FGF13: variants seen among roughly 807,000 people sequenced by gnomAD.
FGF13 encodes fibroblast growth factor 13, also known as fibroblast growth factor homologous factor 2.
In FGF13, 2 loss-of-function variants were observed where a neutral mutation model predicts 19.5. That is an observed-to-expected ratio of 0.10 (90% CI 0.04 to 0.32). The LOEUF (loss-of-function observed/expected upper bound fraction) is 0.32, where lower values mean the gene tolerates loss of function less well. Among genes scored for constraint, FGF13 ranks in the 10% least tolerant of loss-of-function variants. The pLI is 1.00. For missense variants in FGF13, 113 were observed against 192.7 expected (o/e 0.59, Z 2.45); for synonymous variants, 72 against 76.9 (o/e 0.94, Z 0.33).
chrX:138,818,499 GACACACACACAC>G (rs371760908), intron 3 of FGF13, among the ~76,000 whole-genome samples: 1,014 of 84,773 alleles, frequency 0.012, 15 homozygotes, highest in African/African-American at 0.039. Context: ...TATATGCACA[GACACACACACAC>G]ACACACACAC....
rs546063503 is a variant in FGF13 at position 138,675,267 on chromosome X, G to A, written c.402+27717C>T. ...CTAGACTTTGTACGATGCAAACGCAGAGCTCATTTGTTGTAAAAAGCTCCA... is the reference window on the plus strand; with the variant it reads ...CTAGACTTTGTACGATGCAAACGCAAAGCTCATTTGTTGTAAAAAGCTCCA... On this transcript the variant is annotated intron_variant, in intron 3 of 4. Transcript: ENST00000315930. Among the ~76,000 whole-genome samples the A allele has an allele frequency of 9.8e-5, 11 of 112,209 alleles. 1 individual carries two copies. In the South Asian group the frequency reaches 1.9e-3, roughly 19 times the overall value.
At chrX:139,106,786 G>T (rs1179540344) in intron 1 of FGF13, among the ~76,000 whole-genome samples, 3 of 112,024 alleles carry the variant, frequency 2.7e-5, no homozygotes, top group Non-Finnish European at 5.6e-5. Flanking sequence ...ACTCTTCATA[G>T]CCAAGTGTGT....
intron 1 of FGF13, among the ~76,000 whole-genome samples, chrX:139,181,359 A>G (rs1034635598): frequency 8.9e-6 from 1 of 112,670 alleles, no homozygotes; most frequent in African/African-American, 3.2e-5. Flanking sequence ...ACTGACCCCA[A>G]CTAGCAAAGA....
chrX:138,685,377 A>T (rs1011723222), intron 3 of FGF13, among the ~76,000 whole-genome samples: 16 of 111,169 alleles, frequency 1.4e-4, no homozygotes, highest in African/African-American at 5.2e-4. Context: ...AGCACCCCTA[A>T]CAAATAAAGG....
At chrX:138,801,103 T>C (rs188386555) in intron 3 of FGF13, among the ~76,000 whole-genome samples, 174 of 112,249 alleles carry the variant, frequency 1.6e-3, no homozygotes, top group African/African-American at 5.4e-3. Context: ...ACTCATTCTC[T>C]GTCCAATTTT....
chrX:138,781,755 C>T (rs1373455030), intron 3 of FGF13, among the ~76,000 whole-genome samples: 4 of 111,844 alleles, frequency 3.6e-5, no homozygotes, highest in African/African-American at 1.3e-4. Context: ...ACCATTCCTT[C>T]TGAAACTATT....
intron 1 of FGF13, among the ~76,000 whole-genome samples, chrX:139,104,723 C>T (rs1022605088): frequency 9.0e-6 from 1 of 110,648 alleles, no homozygotes; most frequent in Non-Finnish European, 1.9e-5. Flanking sequence ...CAAACAACTA[C>T]CCCTTGTAAC....
At chrX:138,696,804 T>TGGGCTGCCATCTC (rs777422946) in intron 3 of FGF13, among the ~76,000 whole-genome samples, 10 of 112,243 alleles carry the variant, frequency 8.9e-5, no homozygotes, top group African/African-American at 3.2e-4. Context: ...TGCTGCATCT[T>TGGGCTGCCATCTC]GGGCTGCCAT....
At chrX:138,805,490 G>A (rs780014304) in intron 3 of FGF13, among the ~76,000 whole-genome samples, 10 of 110,885 alleles carry the variant, frequency 9.0e-5, no homozygotes, top group Non-Finnish European at 1.7e-4. Context: ...ACATTTGATT[G>A]GACCTGTGCT....
At chrX:139,012,486 G>C (rs1021953216) in intron 1 of FGF13, among the ~76,000 whole-genome samples, 2 of 111,679 alleles carry the variant, frequency 1.8e-5, no homozygotes, top group Non-Finnish European at 3.8e-5. Context: ...CATGGCACTG[G>C]TATAAAAATA....
At chrX:138,783,009 G>A (rs1285959019) in intron 3 of FGF13, among the ~76,000 whole-genome samples, 3 of 80,158 alleles carry the variant, frequency 3.7e-5, no homozygotes, top group East Asian at 8.1e-4. Context: ...AAATAACGCC[G>A]CATATCTACA....
intron 2 of FGF13, among the ~76,000 whole-genome samples, chrX:138,706,487 AAAT>A (rs1205664425): frequency 8.9e-6 from 1 of 112,283 alleles, no homozygotes; most frequent in African/African-American, 3.2e-5. Flanking sequence ...GTCTGAATAA[AAAT>A]AACGCAATTC....
At chrX:138,798,777 C>G (rs1027250625) in intron 3 of FGF13, among the ~76,000 whole-genome samples, 1 of 111,676 alleles carries the variant, frequency 9.0e-6, no homozygotes, top group African/African-American at 3.3e-5. Context: ...TTCGACTTCT[C>G]CCTGGTTTAG....
intron 1 of FGF13, among the ~76,000 whole-genome samples, chrX:138,946,478 A>T (rs767879991): frequency 1.8e-5 from 2 of 112,345 alleles, no homozygotes; most frequent in African/African-American, 3.2e-5. Context: ...AGAATAATTT[A>T]GCAAGGGAGT....
chrX:138,783,558 G>GA (rs1278722886), intron 3 of FGF13, among the ~76,000 whole-genome samples: 3 of 98,068 alleles, frequency 3.1e-5, no homozygotes, highest in Non-Finnish European at 6.3e-5. Flanking sequence ...AAAGACACAT[G>GA]AAAAAATGCT....
At chrX:139,125,410 A>G (rs1214318713) in intron 1 of FGF13, among the ~76,000 whole-genome samples, 1 of 112,266 alleles carries the variant, frequency 8.9e-6, no homozygotes. Flanking sequence ...CTTAAAAATA[A>G]TTAGTTAAGA....
intron 1 of FGF13, among the ~76,000 whole-genome samples, chrX:139,010,182 T>C (rs2092121964): frequency 9.0e-6 from 1 of 111,505 alleles, no homozygotes; most frequent in Admixed American, 9.5e-5. Flanking sequence ...AAAAATGAGA[T>C]AGATGGCAAC....
chrX:138,978,492 G>C (rs938008155), intron 1 of FGF13, among the ~76,000 whole-genome samples: 8 of 110,791 alleles, frequency 7.2e-5, no homozygotes, highest in South Asian at 3.8e-4. Flanking sequence ...TCGATCTCCT[G>C]ACCTCGTGAT....
chrX:138,815,813 C>T (rs1286295087), intron 3 of FGF13, among the ~76,000 whole-genome samples: 2 of 109,797 alleles, frequency 1.8e-5, no homozygotes, highest in African/African-American at 6.6e-5. Context: ...AAAATAAATT[C>T]CAAATGGATC....
Sources: gnomAD v4.1 joint callset for allele counts (sites outside exome capture counted in the v4.1 genomes callset) on GRCh38, gnomAD v4.1.1 for gene constraint, MANE v1.5 for transcripts, NCBI Gene and HGNC (gene_info 2026-07-23, HGNC 2026-07-21) for gene names.